PPP1R1C: variants seen among roughly 807,000 people sequenced by gnomAD.
PPP1R1C encodes the protein protein phosphatase 1 regulatory inhibitor subunit 1C.
A neutral mutation model predicts 17.4 loss-of-function variants in PPP1R1C; 15 were observed. The observed-to-expected ratio is 0.86, with a 90% CI of 0.58 to 1.33. The LOEUF is 1.33. Among genes scored for constraint, PPP1R1C ranks in the 40% most tolerant of loss-of-function variants. The pLI is 0.00. For synonymous variants in PPP1R1C, 35 were observed against 43.1 expected (o/e 0.81, Z 0.73); for missense variants, 143 against 130.0 (o/e 1.10, Z -0.48).
At chr2:182,085,961 A>G (rs1027416229) in intron 4 of PPP1R1C, among the ~76,000 whole-genome samples, 1 of 152,198 alleles carries the variant, frequency 6.6e-6, no homozygotes, top group Admixed American at 6.5e-5. Flanking sequence ...ATTTTAAATG[A>G]TATCACAAAA....
At chr2:182,056,804 T>C (rs1165971675) in intron 2 of PPP1R1C, among the ~76,000 whole-genome samples, 1 of 152,172 alleles carries the variant, frequency 6.6e-6, no homozygotes, top group Admixed American at 6.6e-5. Flanking sequence ...ATACATATTG[T>C]ACTTGAAATA....
At chr2:181,992,027 T>C (rs1685487325) in intron 2 of PPP1R1C, among the ~76,000 whole-genome samples, 1 of 152,208 alleles carries the variant, frequency 6.6e-6, no homozygotes, top group Non-Finnish European at 1.5e-5. Context: ...GAAAAGACTG[T>C]ATATTTGGCT....
chr2:182,000,703 G>A (rs1300040819), intron 2 of PPP1R1C, among the ~76,000 whole-genome samples: 2 of 152,160 alleles, frequency 1.3e-5, no homozygotes, highest in Non-Finnish European at 2.9e-5. Flanking sequence ...CTAGAAGTAA[G>A]CCATTAAAGG....
chr2:181,979,254 C>T (rs1031680403), intron 2 of PPP1R1C, among the ~76,000 whole-genome samples: 17 of 152,164 alleles, frequency 1.1e-4, no homozygotes, highest in African/African-American at 4.1e-4. Flanking sequence ...ACCCCATATA[C>T]TAGGCTGCTA....
chr2:182,111,868 G>A (rs1659402209), intron 4 of PPP1R1C, among the ~76,000 whole-genome samples: 1 of 151,962 alleles, frequency 6.6e-6, no homozygotes, highest in Admixed American at 6.6e-5. Flanking sequence ...TCACTCCTTT[G>A]TATATAGGAT....
At chr2:182,102,265 C>G (rs1689116825) in intron 4 of PPP1R1C, among the ~76,000 whole-genome samples, 1 of 152,058 alleles carries the variant, frequency 6.6e-6, no homozygotes, top group Non-Finnish European at 1.5e-5. Context: ...CATCAAAGAC[C>G]TAATTTATGG....
chr2:182,052,163 TA>T (rs1261434198), intron 2 of PPP1R1C, among the ~76,000 whole-genome samples: 1 of 152,196 alleles, frequency 6.6e-6, no homozygotes, highest in Non-Finnish European at 1.5e-5. Context: ...GCAATATAAA[TA>T]AAAACTTAGC....
At chr2:182,074,125 T>A (rs537555183) in intron 4 of PPP1R1C, among the ~76,000 whole-genome samples, 1 of 149,652 alleles carries the variant, frequency 6.7e-6, no homozygotes, top group Non-Finnish European at 1.5e-5. Context: ...CACTGCAAGC[T>A]CTGCCTCCCG....
At chr2:182,032,469 A>G (rs1405265781) in intron 2 of PPP1R1C, among the ~76,000 whole-genome samples, 1 of 152,114 alleles carries the variant, frequency 6.6e-6, no homozygotes, top group African/African-American at 2.4e-5. Flanking sequence ...CTCCATTACT[A>G]AGGGGAAAAG....
At chr2:182,039,347 G>C (rs1044381887) in intron 2 of PPP1R1C, among the ~76,000 whole-genome samples, 1 of 152,088 alleles carries the variant, frequency 6.6e-6, no homozygotes, top group East Asian at 1.9e-4. Context: ...TCATTTTGTA[G>C]CTTTTGGAGT....
At chr2:182,006,836 G>T (rs1005873117) in intron 2 of PPP1R1C, among the ~76,000 whole-genome samples, 3 of 152,144 alleles carry the variant, frequency 2.0e-5, no homozygotes, top group African/African-American at 7.2e-5. Context: ...ACATTGTAAT[G>T]TTAGGATTTC....
intron 2 of PPP1R1C, chr2:182,023,809 T>C (rs1686507340): frequency 6.6e-6 from 1 of 151,172 alleles, no homozygotes; most frequent in African/African-American, 2.4e-5. Context: ...TTGTTTTTAA[T>C]TTTTTTTTGT....
intron 2 of PPP1R1C, among the ~76,000 whole-genome samples, chr2:182,046,096 C>T (rs981082272): frequency 1.6e-3 from 20 of 12,196 alleles, no homozygotes; most frequent in African/African-American, 4.3e-3. Flanking sequence ...TCCTACATTT[C>T]CTTCCTTCCT....
chr2:182,117,759 T>A (rs1689633125), downstream of PPP1R1C: 1 of 153,220 alleles, frequency 6.5e-6, no homozygotes, highest in African/African-American at 2.4e-5. Flanking sequence ...TAGCTTGAGA[T>A]TTGCATTGAT....
intron 4 of PPP1R1C, among the ~76,000 whole-genome samples, chr2:182,093,800 C>T (rs559722207): frequency 1.3e-5 from 2 of 152,356 alleles, no homozygotes; most frequent in Admixed American, 1.3e-4. Context: ...ACCACTTCAG[C>T]CTGGACATTA....
Position 182,111,286 on chromosome 2 carries a change from G to C in PPP1R1C, c.242-5921G>C, listed in dbSNP as rs534698684. On this transcript the variant is annotated intron_variant, in intron 4 of 4. Transcript: ENST00000682840. ...TAAACATGTTGTCCCTATTTCCATG[G>C]ATGATGAAGAGAAAATCATATTGCA... 1.4e-4 allele frequency among the ~76,000 whole-genome samples: 21 copies of C among 152,142 alleles called. No individual in the cohort carries two copies. In the South Asian group the frequency reaches 4.4e-3, roughly 32 times the overall value.
chr2:182,086,957 T>C (rs1254097098), intron 4 of PPP1R1C, among the ~76,000 whole-genome samples: 1 of 152,102 alleles, frequency 6.6e-6, no homozygotes, highest in African/African-American at 2.4e-5. Flanking sequence ...AACACTTCTT[T>C]CTCTCAGTTA....
chr2:182,010,768 T>C (rs1686066930), intron 2 of PPP1R1C, among the ~76,000 whole-genome samples: 1 of 152,066 alleles, frequency 6.6e-6, no homozygotes, highest in Non-Finnish European at 1.5e-5. Context: ...ATTTGTCATA[T>C]ATGGCTTTCC....
At chr2:182,052,338 A>G (rs1324053851) in intron 2 of PPP1R1C, among the ~76,000 whole-genome samples, 1 of 152,350 alleles carries the variant, frequency 6.6e-6, no homozygotes, top group Non-Finnish European at 1.5e-5. Context: ...AGTCTCTGTC[A>G]TGGCAAGAAA....
Sources: allele counts gnomAD v4.1 joint callset (sites outside exome capture counted in the v4.1 genomes callset), GRCh38; gene constraint gnomAD v4.1.1; transcripts MANE v1.5; gene names NCBI Gene and HGNC (gene_info 2026-07-23, HGNC 2026-07-21).